IQSEC1: variants seen among roughly 807,000 people sequenced by gnomAD.
IQSEC1 encodes the protein IQ motif and Sec7 domain ArfGEF 1, also known as IQ motif and SEC7 domain-containing protein 1.
A neutral mutation model predicts 91.0 loss-of-function variants in IQSEC1; 31 were observed. That is an observed-to-expected ratio of 0.34 (90% CI 0.26 to 0.46). The LOEUF (loss-of-function observed/expected upper bound fraction) is 0.46, where lower values mean the gene tolerates loss of function less well. IQSEC1 is among the 20% of genes least tolerant of loss of function. IQSEC1 has a pLI of 1.00. For synonymous variants in IQSEC1, 699 were observed against 662.6 expected (o/e 1.05, Z -0.84); for missense variants, 1,388 against 1,575.6 (o/e 0.88, Z 2.02).
intron 2 of IQSEC1, among the ~76,000 whole-genome samples, chr3:13,112,662 C>T (rs1458305120): frequency 1.3e-5 from 2 of 152,246 alleles, no homozygotes; most frequent in South Asian, 2.1e-4. Context: ...CAGGTGGTCC[C>T]GCAGCAGAGT....
rs140487221 is a variant in IQSEC1, at chr3:13,220,290, A to T, written c.273-56157T>A. On this transcript the variant is annotated intron_variant, in intron 1 of 15. Transcript: ENST00000648114. The stretch of plus-strand genomic sequence containing the variant: ...CAGACCTTGATCGCCTCAAATTTCA[A>T]ACTTGGAAATGGTCACATAGGGCCT... Among the ~76,000 whole-genome samples, 11 of 152,318 alleles carry T rather than the reference A, an allele frequency of 7.2e-5. No individual in the cohort carries two copies. In the East Asian group the frequency reaches 2.1e-3, roughly 29 times the overall value.
At chr3:12,963,810 A>G (rs1700388667) in intron 1 of IQSEC1, among the ~76,000 whole-genome samples, 1 of 152,154 alleles carries the variant, frequency 6.6e-6, no homozygotes, top group Non-Finnish European at 1.5e-5. Flanking sequence ...GTGCTCAGTA[A>G]ATGTTTGTTG....
chr3:12,913,409 T>C lies in IQSEC1; in HGVS notation c.2316+19A>G. 6.3e-7 allele frequency: 1 copy of C among 1,578,144 alleles called. No homozygotes were observed. The highest frequency in any genetic ancestry group is 1.3e-5 in the African/African-American group (1 of 74,322). On this transcript the variant is annotated intron_variant, in intron 9 of 13. Coordinates refer to ENST00000613206, the MANE Select transcript of IQSEC1 (RefSeq NM_001134382.3). Reference sequence around the variant, plus strand: ...GGCTTGAGGTCCCTGCTACAATGCCTTGTGGGTGAGCCACATACCACCAGG... The same window carrying C: ...GGCTTGAGGTCCCTGCTACAATGCCCTGTGGGTGAGCCACATACCACCAGG...
intron 2 of IQSEC1, among the ~76,000 whole-genome samples, chr3:13,153,231 G>C (rs994165945): frequency 6.6e-6 from 1 of 152,154 alleles, no homozygotes; most frequent in Non-Finnish European, 1.5e-5. Context: ...CCAGCAGCCA[G>C]AGGAGTCTGG....
rs1176747847 is a variant in IQSEC1 at position 13,186,465 on chromosome 3, G to A, written c.273-22332C>T. 4.6e-5 allele frequency among the ~76,000 whole-genome samples: 7 copies of A among 152,330 alleles called. No individual in the cohort carries two copies. In the South Asian group the frequency reaches 8.3e-4, roughly 18 times the overall value. ...CTGGAAAGAAGTCGGCTGGGAGTGG[G>A]AAAAGCTGGGGAATTGGACTCTCTG... is the stretch of plus-strand genomic sequence containing the variant. On this transcript the variant is annotated intron_variant, in intron 1 of 15. Transcript: ENST00000648114.
chr3:12,987,620 A>T (rs1394696094), intron 1 of IQSEC1, among the ~76,000 whole-genome samples: 1 of 152,230 alleles, frequency 6.6e-6, no homozygotes. Context: ...TGAAATTGAG[A>T]AGTTTATCCC....
intron 1 of IQSEC1, among the ~76,000 whole-genome samples, chr3:12,942,866 G>C (rs575604631): frequency 1.3e-5 from 2 of 152,192 alleles, no homozygotes; most frequent in African/African-American, 4.8e-5. Context: ...AGCAGCATGC[G>C]AGGACCCGAG....
intron 1 of IQSEC1, among the ~76,000 whole-genome samples, chr3:13,221,246 T>G (rs1345914819): frequency 6.6e-6 from 1 of 152,190 alleles, no homozygotes; most frequent in East Asian, 1.9e-4. Context: ...GGGATTTTCC[T>G]GAGGGTGGAC....
chr3:12,990,721 A>C (rs895647521), intron 1 of IQSEC1, among the ~76,000 whole-genome samples: 1 of 152,280 alleles, frequency 6.6e-6, no homozygotes, highest in African/African-American at 2.4e-5. Context: ...GGGGCAACCG[A>C]GCAACGCTGA....
chr3:13,062,294 G>A (rs998716317), intron 1 of IQSEC1, among the ~76,000 whole-genome samples: 1 of 152,190 alleles, frequency 6.6e-6, no homozygotes, highest in Non-Finnish European at 1.5e-5. Flanking sequence ...TCCAGGGGAG[G>A]AAGGGGACAG....
rs1698680354 is a variant in IQSEC1 at position 12,940,847 on chromosome 3, C to A, written c.318+724G>T. On this transcript the variant is annotated intron_variant, in intron 2 of 13. Coordinates refer to ENST00000613206, the MANE Select transcript of IQSEC1 (RefSeq NM_001134382.3). This position sits in a 1 kb window ranked among gnomAD's most constrained non-coding sequence, Gnocchi z 4.4. The stretch of plus-strand genomic sequence containing the variant: ...GGGACTTGGAAGCGAGAGCTCTTGG[C>A]CTCCCCAGGGACCGCTCAGGGCCTC... Among the ~76,000 whole-genome samples the A allele has an allele frequency of 1.3e-5, 2 of 152,208 alleles. No homozygotes were observed. The highest frequency in any genetic ancestry group is 4.8e-5 in the African/African-American group (2 of 41,462).
At chr3:13,115,377 T>C (rs1706317749) in intron 2 of IQSEC1, among the ~76,000 whole-genome samples, 1 of 152,068 alleles carries the variant, frequency 6.6e-6, no homozygotes, top group African/African-American at 2.4e-5. Context: ...TGGTACTGAG[T>C]TGCTGTGTCC....
At position 13,211,281 on chromosome 3, in the gene IQSEC1, G is replaced by A. The variant is rs796824695; in HGVS notation, c.273-47148C>T. ...CCACCTCCTCGACAGCAATGAACAT[G>A]AAAGGCCTTCTTGGCAGCGAGCTCT... On this transcript the variant is annotated intron_variant, in intron 1 of 15. Transcript: ENST00000648114. This position sits in a 1 kb window ranked among gnomAD's most constrained non-coding sequence, Gnocchi z 5.3. Among the ~76,000 whole-genome samples the A allele has an allele frequency of 1.3e-5, 2 of 152,338 alleles. No individual in the cohort carries two copies. Among genetic ancestry groups the A allele is most frequent in the African/African-American group, 4.8e-5 (2 of 41,582 alleles).
chr3:12,930,051 G>C (rs989375398), intron 3 of IQSEC1, among the ~76,000 whole-genome samples: 3 of 152,254 alleles, frequency 2.0e-5, no homozygotes, highest in African/African-American at 7.2e-5. Context: ...AGTGAGCTGT[G>C]TGAGGCTCTG....
intron 1 of IQSEC1, among the ~76,000 whole-genome samples, chr3:13,020,198 G>A (rs1391632804): frequency 2.0e-5 from 3 of 152,176 alleles, no homozygotes; most frequent in Non-Finnish European, 2.9e-5. Context: ...GGACTCACCC[G>A]CTGCCTGGCC....
At chr3:12,974,152 G>A (rs1701042466) in intron 1 of IQSEC1, among the ~76,000 whole-genome samples, 1 of 152,176 alleles carries the variant, frequency 6.6e-6, no homozygotes, top group Non-Finnish European at 1.5e-5. Context: ...CCCAGCACGG[G>A]TACAGGTGGC....
intron 1 of IQSEC1, among the ~76,000 whole-genome samples, chr3:13,071,638 G>C (rs77172598): frequency 6.6e-6 from 1 of 152,188 alleles, no homozygotes; most frequent in Non-Finnish European, 1.5e-5. Context: ...TGCTCTGCTC[G>C]CATCGACAAA....
At chr3:13,194,061 G>A (rs1374589765) in intron 1 of IQSEC1, among the ~76,000 whole-genome samples, 3 of 152,130 alleles carry the variant, frequency 2.0e-5, no homozygotes, top group African/African-American at 7.2e-5. Flanking sequence ...GTGTGTGTCT[G>A]TGACCTAATC....
At chr3:13,174,167 T>C (rs1693673162) in intron 1 of IQSEC1, among the ~76,000 whole-genome samples, 1 of 152,128 alleles carries the variant, frequency 6.6e-6, no homozygotes, top group African/African-American at 2.4e-5. Flanking sequence ...ATCTGAATCT[T>C]GTGCACACAG....
Sources: allele counts gnomAD v4.1 joint callset (sites outside exome capture counted in the v4.1 genomes callset), GRCh38; gene constraint gnomAD v4.1.1; non-coding constraint Gnocchi (gnomAD v3.1); transcripts MANE v1.5; gene names NCBI Gene and HGNC (gene_info 2026-07-23, HGNC 2026-07-21).